Variants in CDC14B observed in about 807,000 individuals in gnomAD.
The protein encoded by CDC14B is dual specificity protein phosphatase CDC14B.
CDC14B carries 22 observed loss-of-function variants against 64.2 expected under a neutral mutation model. The observed-to-expected ratio is 0.34, with a 90% confidence interval of 0.24 to 0.49. The LOEUF (loss-of-function observed/expected upper bound fraction) is 0.49, where lower values mean the gene tolerates loss of function less well. CDC14B is among the 20% of genes least tolerant of loss of function. CDC14B has a pLI of 0.99. For synonymous variants in CDC14B, 191 were observed against 215.8 expected (o/e 0.89, Z 1.01); for missense variants, 498 against 629.9 (o/e 0.79, Z 2.24).
Position 96,611,029 on chromosome 9 carries a change from G to A in CDC14B, c.160+8190C>T, listed in dbSNP as rs148779564. ...TTCTACAGTTTAAAGTCATATAAAA[G>A]AACTGCAAAGTAGTCAATGATCTGA... On this transcript the variant is annotated intron_variant, in intron 1 of 13. Coordinates refer to ENST00000375241, the MANE Select transcript of CDC14B (RefSeq NM_033331.4). Among the ~76,000 whole-genome samples the A allele has an allele frequency of 9.4e-4, 140 of 149,290 alleles. 3 individuals are homozygous for A. The East Asian group carries it at 0.026, about 27-fold the overall frequency.
intron 3 of CDC14B, 46 bp from the exon 4 acceptor site, chr9:96,562,831 G>T: frequency 8.3e-7 from 1 of 1,212,044 alleles, no homozygotes; most frequent in Non-Finnish European, 1.2e-6. Flanking sequence ...TTAATTTCAA[G>T]TCTTCCACAA....
At chr9:96,549,685 A>G (rs1564310721) in intron 5 of CDC14B, among the ~76,000 whole-genome samples, 1 of 151,964 alleles carries the variant, frequency 6.6e-6, no homozygotes, top group East Asian at 1.9e-4. Flanking sequence ...AGAAAGAAAC[A>G]CTGTTTAGAT....
At chr9:96,577,624 A>G (rs1289534609) in intron 1 of CDC14B, among the ~76,000 whole-genome samples, 1 of 152,178 alleles carries the variant, frequency 6.6e-6, no homozygotes, top group African/African-American at 2.4e-5. Flanking sequence ...CCCAGGCCAG[A>G]CCACTAATCC....
In CDC14B at chr9:96,517,625, CAG is replaced by C. The variant is rs1375752056; in HGVS notation, c.1343+4879_1343+4880del. ...CGCCACTGCACTCCAGCCTGGGCGA[CAG>C]AGCAAGACTCCGTCTCAAAAAAAAA... is the stretch of plus-strand genomic sequence containing the variant. On this transcript the variant is annotated intron_variant, in intron 12 of 13. Coordinates refer to ENST00000375241, the MANE Select transcript of CDC14B (RefSeq NM_033331.4). Among the ~76,000 whole-genome samples, 14 of 100,868 alleles carry C rather than the reference CAG, an allele frequency of 1.4e-4. No homozygotes were observed. In the Admixed American group the frequency reaches 1.6e-3, roughly 12 times the overall value. The allele number at this position is 100,868 out of a possible 152,430, so 66.2% of individuals were successfully genotyped here.
chr9:96,546,058 T>A (rs1193385324), intron 5 of CDC14B, among the ~76,000 whole-genome samples: 1 of 152,204 alleles, frequency 6.6e-6, no homozygotes, highest in Non-Finnish European at 1.5e-5. Context: ...GGGCACTGCT[T>A]AGAAACTGCA....
intron 1 of CDC14B, among the ~76,000 whole-genome samples, chr9:96,584,185 T>C (rs1288231644): frequency 6.6e-6 from 1 of 152,222 alleles, no homozygotes; most frequent in Admixed American, 6.5e-5. Flanking sequence ...CTAATAAATA[T>C]GCATTGAATG....
exon 14 of CDC14B, chr9:96,493,132 G>A (rs1335460922): frequency 3.3e-5 from 5 of 152,336 alleles, no homozygotes; most frequent in Non-Finnish European, 7.3e-5. Flanking sequence ...GTGCTGGCAG[G>A]TGCTTCGGAG....
intron 9 of CDC14B, 78 bp downstream of exon 9, chr9:96,533,849 C>T: frequency 1.2e-6 from 1 of 855,752 alleles, no homozygotes; most frequent in Non-Finnish European, 1.7e-6. Context: ...GACACATAAA[C>T]TAAATGAATA....
chr9:96,514,400 A>T, intron 12 of CDC14B: 1 of 984,326 alleles, frequency 1.0e-6, no homozygotes, highest in South Asian at 4.7e-5. Context: ...AACACCCAAA[A>T]GGTTAATCTA....
chr9:96,503,165 T>C lies in CDC14B; in HGVS notation c.*588A>G. ...ATGCAACAGTGTTTAAATGTGATTT[T>C]CACAGATTCTTGTTAATAAAGCACT... On this transcript the variant is annotated 3_prime_UTR_variant, in exon 14 of 14. Coordinates refer to ENST00000375241, the MANE Select transcript of CDC14B (RefSeq NM_033331.4). 1 of 328,930 alleles carries C rather than the reference T, an allele frequency of 3.0e-6. No homozygotes were observed. The allele number at this position is 328,930 out of a possible 1,614,324, so 20.4% of individuals were successfully genotyped here. A position where few individuals can be genotyped will look rare whatever the true frequency, so the allele number is the denominator to read the frequency against.
At chr9:96,608,454 G>A (rs1291219310) in intron 1 of CDC14B, among the ~76,000 whole-genome samples, 2 of 152,110 alleles carry the variant, frequency 1.3e-5, no homozygotes, top group Non-Finnish European at 2.9e-5. Context: ...AGAGCAAACT[G>A]AGAACAACTC....
intron 12 of CDC14B, among the ~76,000 whole-genome samples, chr9:96,520,793 T>C (rs1836578673): frequency 6.6e-6 from 1 of 151,952 alleles, no homozygotes; most frequent in African/African-American, 2.4e-5. Flanking sequence ...CGGATAGAAA[T>C]GTGAACTCTT....
rs1833638276 is a variant in CDC14B, at chr9:96,502,501, G to C, written c.*1252C>G. 5.4e-6 allele frequency: 1 copy of C among 183,656 alleles called. No individual in the cohort carries two copies. The highest frequency in any genetic ancestry group is 1.1e-5 in the Non-Finnish European group (1 of 89,338). The allele number at this position is 183,656 out of a possible 1,614,324, so 11.4% of individuals were successfully genotyped here. The stretch of plus-strand genomic sequence containing the variant: ...GACATCTCAGCCCTCCATGCTCCCG[G>C]CACAGGCAAAAATGGCTTAACAATC... On this transcript the variant is annotated 3_prime_UTR_variant, in exon 14 of 14. Coordinates refer to ENST00000375241, the MANE Select transcript of CDC14B (RefSeq NM_033331.4).
intron 1 of CDC14B, among the ~76,000 whole-genome samples, chr9:96,595,531 C>T (rs560899492): frequency 3.9e-5 from 6 of 152,194 alleles, no homozygotes; most frequent in Non-Finnish European, 7.3e-5. Context: ...ATGTTCTTAA[C>T]AGCACTATTC....
intron 4 of CDC14B, among the ~76,000 whole-genome samples, chr9:96,558,904 T>C (rs1223706013): frequency 1.3e-5 from 2 of 152,252 alleles, no homozygotes; most frequent in Non-Finnish European, 2.9e-5. Context: ...AAAAGATTTT[T>C]AGCTTCACTC....
At position 96,534,557 on chromosome 9, in the gene CDC14B, C is replaced by A. The variant is rs1270298649; in HGVS notation, c.628-15G>T. 1 of 1,571,656 alleles carries A rather than the reference C, an allele frequency of 6.4e-7. No individual in the cohort carries two copies. Among genetic ancestry groups the A allele is most frequent in the East Asian group, 2.2e-5 (1 of 44,604 alleles). ...TTTTCTGCTTTCTGCAAGGGGAAGA[C>A]CAGCACAATTCGTTTTTAAATGTAT... On this transcript the variant is annotated splice_polypyrimidine_tract_variant and intron_variant, in intron 7 of 13. Transcript: ENST00000375241.
At chr9:96,543,406 T>C (rs755151920) in intron 5 of CDC14B, among the ~76,000 whole-genome samples, 3 of 151,882 alleles carry the variant, frequency 2.0e-5, no homozygotes, top group Non-Finnish European at 4.4e-5. Flanking sequence ...AGTGTTGAGA[T>C]TACAGGTGTA....
chr9:96,492,251 T>TA (rs1833110066), exon 14 of CDC14B: 1 of 152,388 alleles, frequency 6.6e-6, no homozygotes, highest in African/African-American at 2.4e-5. Flanking sequence ...GAGCTGGTTA[T>TA]AGCCAAGCCC....
chr9:96,537,321 A>G (rs1469533483), intron 7 of CDC14B, among the ~76,000 whole-genome samples: 2 of 152,144 alleles, frequency 1.3e-5, no homozygotes, highest in African/African-American at 2.4e-5. Flanking sequence ...AAATAAAATA[A>G]AACTGTTAGA....
Sources: gnomAD v4.1 joint callset for allele counts (sites outside exome capture counted in the v4.1 genomes callset) on GRCh38, gnomAD v4.1.1 for gene constraint, MANE v1.5 for transcripts, NCBI Gene and HGNC (gene_info 2026-07-23, HGNC 2026-07-21) for gene names.